R3HDM2: variants seen among roughly 807,000 people sequenced by gnomAD.
R3HDM2 encodes the protein R3H domain-containing protein 2.
Under a neutral mutation model 124.5 loss-of-function variants are expected in R3HDM2, and 38 were observed. The ratio of observed to expected loss-of-function variants is 0.31; its 90% CI spans 0.24 to 0.40. R3HDM2 has a LOEUF of 0.40. Among genes scored for constraint, R3HDM2 ranks in the 10% least tolerant of loss-of-function variants. The probability of loss-of-function intolerance (pLI) is 1.00; values close to 1 mark genes in which losing one functional copy is unlikely to be tolerated. For missense variants in R3HDM2, 869 were observed against 1,236.9 expected (o/e 0.70, Z 4.46); for synonymous variants, 391 against 448.0 (o/e 0.87, Z 1.61).
intron 13 of R3HDM2, among the ~76,000 whole-genome samples, chr12:57,282,180 G>A (rs938027968): frequency 6.6e-5 from 10 of 152,088 alleles, no homozygotes; most frequent in Admixed American, 3.9e-4. Context: ...CCGTGGTGGC[G>A]GGTGCCTGTG....
chr12:57,287,753 T>C (rs2047665485), intron 12 of R3HDM2, among the ~76,000 whole-genome samples: 1 of 152,148 alleles, frequency 6.6e-6, no homozygotes. Flanking sequence ...TTTCTATTGG[T>C]AAATTGGGAA....
At chr12:57,298,257 G>A in intron 6 of R3HDM2, 89 bp from the exon 7 acceptor site, 4 of 1,018,004 alleles carry the variant, frequency 3.9e-6, no homozygotes, top group Admixed American at 2.7e-5. Context: ...ACCTAACCAG[G>A]AGAAAAAAGA....
intron 2 of R3HDM2, among the ~76,000 whole-genome samples, chr12:57,345,893 C>T (rs2060038400): frequency 6.6e-6 from 1 of 152,180 alleles, no homozygotes. Flanking sequence ...GGTGCGGTGG[C>T]TCACGCCTGT....
At chr12:57,339,032 G>A (rs779169829) in intron 2 of R3HDM2, among the ~76,000 whole-genome samples, 15 of 152,070 alleles carry the variant, frequency 9.9e-5, no homozygotes, top group Non-Finnish European at 1.5e-4. Flanking sequence ...GTGTGTGCAT[G>A]TGTGTGTCTT....
At chr12:57,422,886 G>C (rs895776544) in intron 1 of R3HDM2, among the ~76,000 whole-genome samples, 1 of 152,036 alleles carries the variant, frequency 6.6e-6, no homozygotes, top group East Asian at 1.9e-4. Context: ...TGGGAGCCTT[G>C]AGCCCAGGAG....
At chr12:57,382,327 G>C (rs993741242) in intron 2 of R3HDM2, among the ~76,000 whole-genome samples, 1 of 150,932 alleles carries the variant, frequency 6.6e-6, no homozygotes, top group African/African-American at 2.4e-5. Flanking sequence ...GTCCAGGCTG[G>C]TCTCAGACTC....
intron 14 of R3HDM2, among the ~76,000 whole-genome samples, chr12:57,279,102 T>C (rs1236492512): frequency 6.6e-6 from 1 of 150,900 alleles, no homozygotes; most frequent in Non-Finnish European, 1.5e-5. Flanking sequence ...GGGGCTCTCC[T>C]CAAAAAGAGC....
chr12:57,406,455 G>C (rs549269977), intron 1 of R3HDM2, among the ~76,000 whole-genome samples: 3 of 151,612 alleles, frequency 2.0e-5, no homozygotes, highest in African/African-American at 7.3e-5. Flanking sequence ...TAATTATTTT[G>C]AAAATGGTCA....
At chr12:57,355,404 C>T (rs1413157320) in intron 2 of R3HDM2, among the ~76,000 whole-genome samples, 2 of 145,522 alleles carry the variant, frequency 1.4e-5, no homozygotes, top group Non-Finnish European at 1.5e-5. Flanking sequence ...GCTTGCAGTG[C>T]GCTGAGATCG....
At chr12:57,337,443 G>GC (rs2059001192) in intron 2 of R3HDM2, among the ~76,000 whole-genome samples, 1 of 152,022 alleles carries the variant, frequency 6.6e-6, no homozygotes, top group Non-Finnish European at 1.5e-5. Flanking sequence ...GAGCCACCGT[G>GC]CCCAGCCCAA....
intron 4 of R3HDM2, 85 bp downstream of exon 4, chr12:57,303,091 G>T: frequency 1.5e-6 from 2 of 1,295,078 alleles, no homozygotes; most frequent in South Asian, 2.6e-5. Context: ...TACATAATTT[G>T]AACAAACTAG....
intron 2 of R3HDM2, among the ~76,000 whole-genome samples, chr12:57,387,546 T>G (rs1011185559): frequency 3.9e-5 from 6 of 152,176 alleles, no homozygotes; most frequent in Admixed American, 3.3e-4. Flanking sequence ...GTATTTTAAA[T>G]TTTCTCAGTT....
intron 2 of R3HDM2, among the ~76,000 whole-genome samples, chr12:57,392,446 G>A (rs1290198501): frequency 2.0e-5 from 3 of 152,124 alleles, no homozygotes; most frequent in Non-Finnish European, 2.9e-5. Flanking sequence ...AGAATCTAAT[G>A]CCACTGCTGA....
At chr12:57,409,780 C>G (rs1474303862) in intron 1 of R3HDM2, among the ~76,000 whole-genome samples, 1 of 151,846 alleles carries the variant, frequency 6.6e-6, no homozygotes, top group African/African-American at 2.4e-5. Context: ...TAAAGGAAAA[C>G]AAAAATTTAC....
intron 2 of R3HDM2, among the ~76,000 whole-genome samples, chr12:57,371,083 C>CTGTTTTTTTTT: frequency 2.4e-5 from 1 of 40,886 alleles, no homozygotes. Flanking sequence ...TATACCATTA[C>CTGTTTTTTTTT]TTTTTTTTTT....
chr12:57,298,879 C>T (rs1395317590), intron 6 of R3HDM2, among the ~76,000 whole-genome samples: 1 of 152,078 alleles, frequency 6.6e-6, no homozygotes, highest in East Asian at 1.9e-4. Flanking sequence ...AAGAAAATCG[C>T]TTGAACTCGG....
chr12:57,330,046 A>C (rs2136555244), intron 2 of R3HDM2, among the ~76,000 whole-genome samples: 1 of 152,186 alleles, frequency 6.6e-6, no homozygotes, highest in East Asian at 1.9e-4. Flanking sequence ...GGCTCACCGC[A>C]ACCTCCGCCT....
intron 2 of R3HDM2, among the ~76,000 whole-genome samples, chr12:57,356,232 A>G (rs1160755452): frequency 1.3e-5 from 2 of 152,012 alleles, no homozygotes; most frequent in African/African-American, 2.4e-5. Flanking sequence ...AATTGAAGAC[A>G]TTTCCTTCTC....
chr12:57,269,186 G>A, intron 16 of R3HDM2, 104 bp from the exon 17 acceptor site: 1 of 1,551,322 alleles, frequency 6.4e-7, no homozygotes, highest in Non-Finnish European at 8.8e-7. Flanking sequence ...TTTTTCTGGA[G>A]AGCATAGGTC....
Sources: allele counts gnomAD v4.1 joint callset (sites outside exome capture counted in the v4.1 genomes callset), GRCh38; gene constraint gnomAD v4.1.1; transcripts MANE v1.5; gene names NCBI Gene and HGNC (gene_info 2026-07-23, HGNC 2026-07-21).